The following PTPRM variants were observed in gnomAD, a reference collection of about 807,000 sequenced individuals.
PTPRM encodes protein tyrosine phosphatase receptor type M.
A neutral mutation model predicts 186.7 loss-of-function variants in PTPRM; 47 were observed. That is an observed-to-expected ratio of 0.25 (90% CI 0.20 to 0.32). PTPRM has a LOEUF of 0.32. Among genes scored for constraint, PTPRM ranks in the 10% least tolerant of loss-of-function variants. PTPRM has a pLI of 1.00. For missense variants in PTPRM, 1,494 were observed against 1,865.0 expected (o/e 0.80, Z 3.66); for synonymous variants, 668 against 674.9 (o/e 0.99, Z 0.16).
At chr18:7,874,149 A>G (rs1452015096) in intron 2 of PTPRM, among the ~76,000 whole-genome samples, 1 of 152,140 alleles carries the variant, frequency 6.6e-6, no homozygotes, top group African/African-American at 2.4e-5. Flanking sequence ...ATGTGTCTGT[A>G]TGTTTATTTG....
chr18:8,114,858 T>A (rs537008754), intron 13 of PTPRM, 31 bp downstream of exon 13: 1 of 1,580,154 alleles, frequency 6.3e-7, no homozygotes. Flanking sequence ...ATTCTCCTAA[T>A]TAATGTTCCT....
rs1174868939 is a variant in PTPRM, at chr18:8,379,644, G to T, written c.3786+304G>T. ...AGGGGACACCATGGCAGGAAAATGG[G>T]TTAATAGATTTGCAGCATTATTTTA... On this transcript the variant is annotated intron_variant, in intron 28 of 32. Transcript: ENST00000580170. Among the ~76,000 whole-genome samples, 3 of 152,122 alleles carry T rather than the reference G, an allele frequency of 2.0e-5. No homozygotes were observed. The South Asian group carries it at 6.2e-4, about 32-fold the overall frequency.
intron 7 of PTPRM, among the ~76,000 whole-genome samples, chr18:7,958,644 T>G (rs1249758576): frequency 6.6e-6 from 1 of 152,244 alleles, no homozygotes; most frequent in Admixed American, 6.5e-5. Flanking sequence ...TTGTTTGCTT[T>G]CTGATGAGAT....
At chr18:8,240,217 CT>C (rs1214272239) in intron 14 of PTPRM, among the ~76,000 whole-genome samples, 1 of 152,200 alleles carries the variant, frequency 6.6e-6, no homozygotes, top group Admixed American at 6.5e-5. Flanking sequence ...TTTCAGCCAT[CT>C]GTAGTTATGG....
chr18:8,051,065 G>C (rs898292919), intron 7 of PTPRM, among the ~76,000 whole-genome samples: 2 of 152,164 alleles, frequency 1.3e-5, no homozygotes, highest in Admixed American at 6.5e-5. Flanking sequence ...TGTTTTGAAA[G>C]AGGGGGCTTT....
At chr18:8,375,772 C>A (rs1299740016) in intron 24 of PTPRM, among the ~76,000 whole-genome samples, 1 of 152,206 alleles carries the variant, frequency 6.6e-6, no homozygotes, top group Non-Finnish European at 1.5e-5. Context: ...TTTCAAACAA[C>A]CCAACCAATT....
intron 7 of PTPRM, among the ~76,000 whole-genome samples, chr18:7,959,630 T>C (rs1364338418): frequency 6.6e-6 from 1 of 152,210 alleles, no homozygotes; most frequent in Non-Finnish European, 1.5e-5. Flanking sequence ...TTTCCAAATA[T>C]ATGCACAAGC....
intron 4 of PTPRM, among the ~76,000 whole-genome samples, chr18:7,919,785 G>A (rs550762226): frequency 6.6e-6 from 1 of 152,096 alleles, no homozygotes; most frequent in Non-Finnish European, 1.5e-5. Context: ...CTGTCTGAAT[G>A]ATTGGTCTGT....
chr18:8,156,131 G>T (rs2093116419), intron 14 of PTPRM, among the ~76,000 whole-genome samples: 1 of 152,150 alleles, frequency 6.6e-6, no homozygotes, highest in Non-Finnish European at 1.5e-5. Flanking sequence ...AGGTACAAGG[G>T]TAAGTTGAAC....
chr18:7,855,430 C>T (rs1252327664), intron 2 of PTPRM, among the ~76,000 whole-genome samples: 2 of 152,202 alleles, frequency 1.3e-5, no homozygotes, highest in East Asian at 1.9e-4. Context: ...CTGCTTTTGG[C>T]TCCTTCTCTT....
intron 14 of PTPRM, among the ~76,000 whole-genome samples, chr18:8,234,537 G>A (rs566653897): frequency 3.3e-5 from 5 of 152,166 alleles, no homozygotes; most frequent in South Asian, 4.1e-4. Context: ...AACAAAGAGC[G>A]TTTCATTCAT....
At chr18:7,723,657 G>T (rs892580391) in intron 1 of PTPRM, among the ~76,000 whole-genome samples, 2 of 152,132 alleles carry the variant, frequency 1.3e-5, no homozygotes, top group African/African-American at 2.4e-5. Flanking sequence ...ACATTCTCTG[G>T]GAGAAGCTCT....
At chr18:7,785,238 C>G (rs2043043471) in intron 2 of PTPRM, among the ~76,000 whole-genome samples, 1 of 152,074 alleles carries the variant, frequency 6.6e-6, no homozygotes, top group South Asian at 2.1e-4. Context: ...AAATATTTAA[C>G]TGAGTATGTG....
intron 1 of PTPRM, among the ~76,000 whole-genome samples, chr18:7,576,882 T>C (rs1203607892): frequency 6.6e-6 from 1 of 152,228 alleles, no homozygotes; most frequent in African/African-American, 2.4e-5. Flanking sequence ...ATGGACTCAG[T>C]GTGATGTTCC....
At chr18:7,610,630 A>G (rs2037649081) in intron 1 of PTPRM, among the ~76,000 whole-genome samples, 1 of 152,194 alleles carries the variant, frequency 6.6e-6, no homozygotes, top group East Asian at 1.9e-4. Context: ...AAAACTTCCT[A>G]TTGCCCAATG....
chr18:7,762,409 T>C (rs1568093115), intron 1 of PTPRM, among the ~76,000 whole-genome samples: 1 of 151,516 alleles, frequency 6.6e-6, no homozygotes, highest in African/African-American at 2.4e-5. Context: ...TCATTGGGGG[T>C]GAATCTACAG....
At chr18:8,297,156 A>G (rs2095106158) in intron 20 of PTPRM, among the ~76,000 whole-genome samples, 1 of 152,200 alleles carries the variant, frequency 6.6e-6, no homozygotes, top group Admixed American at 6.5e-5. Context: ...GCTCTCCGTC[A>G]TCCATGACTG....
At chr18:7,904,413 C>T (rs1165009133) in intron 3 of PTPRM, among the ~76,000 whole-genome samples, 1 of 152,182 alleles carries the variant, frequency 6.6e-6, no homozygotes, top group Non-Finnish European at 1.5e-5. Flanking sequence ...ACCCATCTCC[C>T]TCCTGTCTCA....
chr18:8,303,903 C>A (rs994468514), intron 20 of PTPRM, among the ~76,000 whole-genome samples: 1 of 152,168 alleles, frequency 6.6e-6, no homozygotes, highest in African/African-American at 2.4e-5. Flanking sequence ...CTCCTGTAGA[C>A]CCTACCTTGA....
Sources: gnomAD v4.1 joint callset for allele counts (sites outside exome capture counted in the v4.1 genomes callset) on GRCh38, gnomAD v4.1.1 for gene constraint, MANE v1.5 for transcripts, NCBI Gene and HGNC (gene_info 2026-07-23, HGNC 2026-07-21) for gene names.